HTR1D: variants seen among roughly 807,000 people sequenced by gnomAD.
HTR1D encodes 5-hydroxytryptamine receptor 1D, also known as 5-HT-1D.
HTR1D carries 18 observed loss-of-function variants against 21.1 expected under a neutral mutation model. That is an observed-to-expected ratio of 0.85 (90% CI 0.59 to 1.27). The LOEUF is 1.27. Among genes scored for constraint, HTR1D ranks in the 50% most tolerant of loss-of-function variants. The pLI, the probability that HTR1D is intolerant of heterozygous loss-of-function variation, is 0.00. For synonymous variants in HTR1D, 196 were observed against 204.4 expected, an observed-to-expected ratio of 0.96 and a Z score of 0.35; for missense variants, 456 against 481.4, an observed-to-expected ratio of 0.95 and a Z score of 0.49.
At position 23,193,822 on chromosome 1, in the gene HTR1D, G is replaced by A. The variant is rs767169822; in HGVS notation, c.398C>T (p.Ala133Val). ...TASILHLCVI[A>V]LDRYWAITDA... is the part of the protein sequence containing the mutation. ...TGTGATTGCCCAGTACCTGTCCAGAGCAATGACACAGAGATGCAGGATGGA... is the reference window on the plus strand; with the variant it reads ...TGTGATTGCCCAGTACCTGTCCAGAACAATGACACAGAGATGCAGGATGGA... Residue 133 changes from alanine (A) to valine (V), a missense_variant, in exon 2 of 2, where the codon GCT becomes GTT. Transcript: ENST00000374619. The A allele has an allele frequency of 2.5e-6, 4 of 1,614,226 alleles. No homozygotes were observed. Among genetic ancestry groups the A allele is most frequent in the Non-Finnish European group, 3.4e-6 (4 of 1,180,034 alleles).
intron 1 of HTR1D, among the ~76,000 whole-genome samples, chr1:23,208,528 G>C (rs895114361): frequency 2.0e-4 from 30 of 151,594 alleles, no homozygotes; most frequent in African/African-American, 7.3e-4. Context: ...CCGAGATCAT[G>C]CCATTGCACT....
rs780794417 is a variant in HTR1D, at chr1:23,193,756, G to C, written c.464C>G (p.Ala155Gly). Residue 155 changes from alanine to glycine, a missense_variant, in exon 2 of 2, where the codon GCG becomes GGG. Physicochemically the swap from Ala to Gly is moderately conservative, Grantham distance 60 (BLOSUM62 0). Transcript: ENST00000374619. ...CCAGACAATGGCGATCATGGTGGCC[G>C]CGTGGCCAGCCGTCCTGCGTTTACT... ...EYSKRRTAGH[A>G]ATMIAIVWAI... 6.2e-7 allele frequency: 1 copy of C among 1,614,038 alleles called. No individual in the cohort carries two copies. The highest frequency in any genetic ancestry group is 8.5e-7 in the Non-Finnish European group (1 of 1,180,008).
At chr1:23,197,781 A>T (rs1382832073) in intron 1 of HTR1D, among the ~76,000 whole-genome samples, 7 of 152,074 alleles carry the variant, frequency 4.6e-5, no homozygotes, top group African/African-American at 1.7e-4. Flanking sequence ...GTATGCCAGT[A>T]ATCCCAACAC....
chr1:23,201,817 G>A (rs1038017940), intron 1 of HTR1D, among the ~76,000 whole-genome samples: 1 of 151,362 alleles, frequency 6.6e-6, no homozygotes, highest in Non-Finnish European at 1.5e-5. Flanking sequence ...GCCTCCCAAA[G>A]TGCTGGGATT....
chr1:23,200,505 C>T (rs755684443), intron 1 of HTR1D, among the ~76,000 whole-genome samples: 2 of 152,112 alleles, frequency 1.3e-5, no homozygotes, highest in Non-Finnish European at 2.9e-5. Context: ...GGAAACCAAA[C>T]GCTCAATATA....
rs928488627 is a variant in HTR1D at position 23,192,612 on chromosome 1, C to G, written c.*474G>C. ...ATCCCAGCACTTTGGGATGCTGAGG[C>G]GGGCGGATCACGAGGTCAAGAGATC... On this transcript the variant is annotated 3_prime_UTR_variant, in exon 2 of 2. Transcript: ENST00000374619. 1 of 152,508 alleles carries G rather than the reference C, an allele frequency of 6.6e-6. No individual in the cohort carries two copies. Among genetic ancestry groups the G allele is most frequent in the Non-Finnish European group, 1.5e-5 (1 of 68,272 alleles). The allele number at this position is 152,508 out of a possible 1,614,324, so 9.4% of individuals were successfully genotyped here. A position where few individuals can be genotyped will look rare whatever the true frequency, so the allele number is the denominator to read the frequency against.
In HTR1D at chr1:23,194,648, C is replaced by G. The variant is rs965502654; in HGVS notation, c.-429G>C. The G allele has an allele frequency of 2.4e-5, 4 of 168,256 alleles. No homozygotes were observed. The highest frequency in any genetic ancestry group is 4.3e-5 in the Non-Finnish European group (3 of 68,974). The allele number at this position is 168,256 out of a possible 1,614,324, so 10.4% of individuals were successfully genotyped here. A position where few individuals can be genotyped will look rare whatever the true frequency, so the allele number is the denominator to read the frequency against. On this transcript the variant is annotated 5_prime_UTR_variant, in exon 2 of 2. Transcript: ENST00000374619. ...GGATTCTTGCCTTTGGCATCTGGCT[C>G]TTTTCAAAGCTTGAGACATTCGTGT...
intron 1 of HTR1D, among the ~76,000 whole-genome samples, chr1:23,199,597 T>C (rs1644702458): frequency 3.3e-5 from 5 of 151,762 alleles, no homozygotes; most frequent in Admixed American, 2.6e-4. Context: ...CCCAGCCTGA[T>C]GTTGTATTTT....
rs1347154163 is a variant in HTR1D at position 23,192,892 on chromosome 1, C to T, written c.*194G>A. On this transcript the variant is annotated 3_prime_UTR_variant, in exon 2 of 2. Transcript: ENST00000374619. ...CTAAGTAGTGAAATCTTCAGTCCTG[C>T]CCCCCGCCCCCCACCACCCACAGCT... 1.8e-5 allele frequency: 6 copies of T among 333,664 alleles called. No homozygotes were observed. In the South Asian group the frequency reaches 3.5e-4, roughly 20 times the overall value. 20.7% of individuals were successfully genotyped at this position (333,664 alleles called of 1,614,324 possible). A position where few individuals can be genotyped will look rare whatever the true frequency, so the allele number is the denominator to read the frequency against.
In HTR1D at chr1:23,193,181, A is replaced by C; in HGVS notation, c.1039T>G (p.Leu347Val). 1 of 1,614,104 alleles carries C rather than the reference A, an allele frequency of 6.2e-7. No homozygotes were observed. The highest frequency in any genetic ancestry group is 1.1e-5 in the South Asian group (1 of 91,076). Residue 347 changes from leucine to valine, a missense_variant, in exon 2 of 2, where the codon TTA becomes GTA. Transcript: ENST00000374619. ...ATTATTGGATTGATGAGGGAGTTTA[A>C]ATAGCCTAGCCAGGTGAAGAAGTCA... ...LFDFFTWLGY[L>V]NSLINPIIYT...
Position 23,193,100 on chromosome 1 carries a change from G to A in HTR1D, c.1120C>T (p.Arg374Trp), listed in dbSNP as rs147605856. 1,272 of 1,607,946 alleles carry A rather than the reference G, an allele frequency of 7.9e-4. 8 individuals carry two copies. Among genetic ancestry groups the A allele is most frequent in the South Asian group, 6.2e-3 (561 of 90,274 alleles). ...RQAFQKIVPFRKAS is the reference protein window; with the variant it reads ...RQAFQKIVPFWKAS ...ACCGAATAAGACTAGGAGGCCTTCCGGAAAGGGACAATTTTCTGAAAAGCT... is the reference window on the plus strand; with the variant it reads ...ACCGAATAAGACTAGGAGGCCTTCCAGAAAGGGACAATTTTCTGAAAAGCT... The change falls in exon 2 of 2, where the codon CGG becomes TGG. Residue 374 changes from arginine (R) to tryptophan (W), a missense_variant. Transcript: ENST00000374619.
chr1:23,196,924 G>C (rs1644690992), intron 1 of HTR1D, among the ~76,000 whole-genome samples: 2 of 151,772 alleles, frequency 1.3e-5, no homozygotes, highest in South Asian at 4.2e-4. Flanking sequence ...CTCGCCCCAG[G>C]CTCCACCCCA....
chr1:23,193,750 G>A lies in HTR1D; in HGVS notation c.470C>T (p.Thr157Ile), dbSNP rs147271351. ...GATGGCCCAGACAATGGCGATCATGGTGGCCGCGTGGCCAGCCGTCCTGCG... is the reference window on the plus strand; with the variant it reads ...GATGGCCCAGACAATGGCGATCATGATGGCCGCGTGGCCAGCCGTCCTGCG... ...SKRRTAGHAA[T>I]MIAIVWAISI... The change falls in exon 2 of 2, where the codon ACC becomes ATC. Residue 157 changes from threonine (T) to isoleucine (I), a missense_variant. By Grantham distance (89) the Thr-to-Ile change is moderately conservative. Coordinates refer to ENST00000374619, the MANE Select transcript of HTR1D (RefSeq NM_000864.5). 11 of 1,614,050 alleles carry A rather than the reference G, an allele frequency of 6.8e-6. No individual in the cohort carries two copies. The African/African-American group carries it at 1.1e-4, about 16-fold the overall frequency.
intron 1 of HTR1D, among the ~76,000 whole-genome samples, chr1:23,195,432 T>C (rs1201188811): frequency 6.6e-6 from 1 of 151,878 alleles, no homozygotes; most frequent in African/African-American, 2.4e-5. Flanking sequence ...TGTCCTATAG[T>C]GAGCATGAAT....
At chr1:23,195,512 C>T (rs1402673398) in intron 1 of HTR1D, among the ~76,000 whole-genome samples, 1 of 151,896 alleles carries the variant, frequency 6.6e-6, no homozygotes, top group Non-Finnish European at 1.5e-5. Context: ...AATCTCGGCT[C>T]ACTGCAACCT....
In HTR1D at chr1:23,194,533, C is replaced by A. The variant is rs561594612; in HGVS notation, c.-314G>T. ...CCCAAGATGTCTCAGGGTCCTGGAA[C>A]TTTTCCCAGCAGATGGTCATGCCCA... On this transcript the variant is annotated 5_prime_UTR_variant, in exon 2 of 2. Transcript: ENST00000374619. 1 of 189,056 alleles carries A rather than the reference C, an allele frequency of 5.3e-6. No homozygotes were observed. The highest frequency in any genetic ancestry group is 1.2e-5 in the Non-Finnish European group (1 of 81,788). 11.7% of individuals were successfully genotyped at this position (189,056 alleles called of 1,614,324 possible). A position where few individuals can be genotyped will look rare whatever the true frequency, so the allele number is the denominator to read the frequency against.
chr1:23,209,813 C>T (rs1456680995), intron 1 of HTR1D, among the ~76,000 whole-genome samples: 2 of 152,068 alleles, frequency 1.3e-5, no homozygotes, highest in African/African-American at 2.4e-5. Flanking sequence ...ATAAAAGGTG[C>T]CAGGTAAAGT....
rs623988 is a variant in HTR1D, at chr1:23,192,984, C to A, written c.*102G>T. 2.3e-5 allele frequency: 15 copies of A among 645,658 alleles called. No individual in the cohort carries two copies. The highest frequency in any genetic ancestry group is 1.4e-4 in the Admixed American group (4 of 27,816). 40.0% of individuals were successfully genotyped at this position (645,658 alleles called of 1,614,324 possible). ...GTTGATTGAACCAAGACTCAAGATACCATGAATTAATCCAAGTCTCAGAAA... is the reference window on the plus strand; with the variant it reads ...GTTGATTGAACCAAGACTCAAGATAACATGAATTAATCCAAGTCTCAGAAA... On this transcript the variant is annotated 3_prime_UTR_variant, in exon 2 of 2. Transcript: ENST00000374619.
chr1:23,193,300 A>G lies in HTR1D; in HGVS notation c.920T>C (p.Leu307Pro), dbSNP rs371756283. 5.0e-6 allele frequency: 8 copies of G among 1,614,216 alleles called. No homozygotes were observed. The highest frequency in any genetic ancestry group is 1.6e-4 in the Middle Eastern group (1 of 6,062). Residue 307 changes from leucine (L) to proline (P), a missense_variant, in exon 2 of 2, where the codon CTG (leucine) becomes CCG (proline). Physicochemically the swap from Leu to Pro is moderately conservative, Grantham distance 98. Transcript: ENST00000374619. ...RKATKILGII[L>P]GAFIICWLPF... is the part of the protein sequence containing the mutation. ...CAGCCAGCAGATGATAAAGGCCCCC[A>G]GAATGATGCCCAGGATTTTAGTGGC...
Sources: allele counts gnomAD v4.1 joint callset (sites outside exome capture counted in the v4.1 genomes callset), GRCh38; gene constraint gnomAD v4.1.1; transcripts MANE v1.5; gene names NCBI Gene and HGNC (gene_info 2026-07-23, HGNC 2026-07-21).